The following MAP3K20 variants were observed in gnomAD, a reference collection of about 807,000 sequenced individuals.
The protein encoded by MAP3K20 is mitogen-activated protein kinase kinase kinase 20.
A neutral mutation model predicts 85.7 loss-of-function variants in MAP3K20; 40 were observed. The ratio of observed to expected loss-of-function variants is 0.47; its 90% CI spans 0.36 to 0.61. MAP3K20 has a LOEUF of 0.61. MAP3K20 is among the 20% of genes least tolerant of loss of function. MAP3K20 has a pLI of 0.00. For synonymous variants in MAP3K20, 325 were observed against 327.7 expected, an observed-to-expected ratio of 0.99 and a Z score of 0.09; for missense variants, 817 against 961.7, an observed-to-expected ratio of 0.85 and a Z score of 1.99.
intron 2 of MAP3K20, among the ~76,000 whole-genome samples, chr2:173,116,033 A>G (rs1016717322): frequency 2.7e-5 from 4 of 150,286 alleles, no homozygotes; most frequent in Admixed American, 2.0e-4. Context: ...AAAAAATTGT[A>G]GAGAAAGGGT....
intron 8 of MAP3K20, among the ~76,000 whole-genome samples, chr2:173,199,819 C>T (rs1327363740): frequency 1.3e-5 from 2 of 151,612 alleles, no homozygotes; most frequent in Non-Finnish European, 2.9e-5. Context: ...TTGGAGTATC[C>T]GTGAAGGATT....
intron 2 of MAP3K20, among the ~76,000 whole-genome samples, chr2:173,150,395 C>G (rs1387635358): frequency 6.6e-6 from 1 of 152,182 alleles, no homozygotes; most frequent in Non-Finnish European, 1.5e-5. Context: ...TTCCAACGCT[C>G]TATTCTCTAG....
chr2:173,178,864 TC>T (rs1235582170), intron 3 of MAP3K20, among the ~76,000 whole-genome samples: 1 of 152,080 alleles, frequency 6.6e-6, no homozygotes, highest in Non-Finnish European at 1.5e-5. Flanking sequence ...AGACCAATAT[TC>T]TTCATGAATA....
chr2:173,149,541 A>G (rs961586027), intron 2 of MAP3K20, among the ~76,000 whole-genome samples: 1 of 152,140 alleles, frequency 6.6e-6, no homozygotes, highest in African/African-American at 2.4e-5. Flanking sequence ...GATCTAGTCA[A>G]TGCAAGTCTC....
chr2:173,088,265 T>G (rs534733755), intron 1 of MAP3K20, among the ~76,000 whole-genome samples: 5 of 152,314 alleles, frequency 3.3e-5, no homozygotes, highest in African/African-American at 1.2e-4. Flanking sequence ...GAATCCTACA[T>G]GGCACTGCTG....
intron 2 of MAP3K20, among the ~76,000 whole-genome samples, chr2:173,145,068 T>C (rs1377472218): frequency 6.6e-6 from 1 of 152,122 alleles, no homozygotes; most frequent in Non-Finnish European, 1.5e-5. Context: ...TTATACCAAA[T>C]GCAAAAATTA....
Position 173,266,796 on chromosome 2 carries a change from A to AG in MAP3K20, c.*46_*47insG, listed in dbSNP as rs1558920077. Reference sequence around the variant, plus strand: ...TTCTAAGCAGGTTAAAAAAAAAAAAAAAAAGAAATGTAATGGTTTTTGATA... The same window carrying AG: ...TTCTAAGCAGGTTAAAAAAAAAAAAAGAAAAGAAATGTAATGGTTTTTGATA... On this transcript the variant is annotated 3_prime_UTR_variant, in exon 20 of 20. Coordinates refer to ENST00000375213, the MANE Select transcript of MAP3K20 (RefSeq NM_016653.3). 7.3e-6 allele frequency: 10 copies of AG among 1,363,332 alleles called. No homozygotes were observed. The Admixed American group carries it at 2.5e-4, about 34-fold the overall frequency. 84.5% of individuals were successfully genotyped at this position (1,363,332 alleles called of 1,614,324 possible). A position where few individuals can be genotyped will look rare whatever the true frequency, so the allele number is the denominator to read the frequency against.
chr2:173,147,793 G>A (rs544638164), intron 2 of MAP3K20, among the ~76,000 whole-genome samples: 13 of 152,174 alleles, frequency 8.5e-5, no homozygotes, highest in African/African-American at 3.1e-4. Flanking sequence ...CACCATGTTG[G>A]CCAGGATGGT....
At chr2:173,259,777 T>G (rs1429193852) in intron 17 of MAP3K20, among the ~76,000 whole-genome samples, 1 of 152,242 alleles carries the variant, frequency 6.6e-6, no homozygotes, top group Non-Finnish European at 1.5e-5. Flanking sequence ...CATGGCATTA[T>G]TTATCTGTAA....
At chr2:173,256,018 G>A (rs2106351607) in intron 16 of MAP3K20, among the ~76,000 whole-genome samples, 1 of 152,334 alleles carries the variant, frequency 6.6e-6, no homozygotes, top group East Asian at 1.9e-4. Context: ...CAAGAACCAG[G>A]TTTTCATTTT....
intron 9 of MAP3K20, among the ~76,000 whole-genome samples, chr2:173,204,203 T>C (rs577137100): frequency 6.6e-6 from 1 of 152,368 alleles, no homozygotes; most frequent in South Asian, 2.1e-4. Context: ...TGCCAGGCAC[T>C]GTTCCAAACA....
chr2:173,096,901 T>A (rs189142636), intron 2 of MAP3K20, among the ~76,000 whole-genome samples: 118 of 152,322 alleles, frequency 7.7e-4, no homozygotes, highest in African/African-American at 2.7e-3. Flanking sequence ...GAAGCCACTA[T>A]TGTATCTTTT....
At chr2:173,140,554 T>C (rs779836266) in intron 2 of MAP3K20, among the ~76,000 whole-genome samples, 25 of 151,750 alleles carry the variant, frequency 1.6e-4, no homozygotes, top group Non-Finnish European at 2.5e-4. Context: ...TTCTCTATTT[T>C]GGTCAGGTTG....
At chr2:173,125,845 G>A (rs1022271171) in intron 2 of MAP3K20, among the ~76,000 whole-genome samples, 3 of 152,070 alleles carry the variant, frequency 2.0e-5, no homozygotes, top group African/African-American at 7.2e-5. Context: ...TGTATTTTTA[G>A]TAGAGATGGG....
intron 14 of MAP3K20, among the ~76,000 whole-genome samples, chr2:173,235,874 G>A (rs1242365971): frequency 6.6e-6 from 1 of 152,172 alleles, no homozygotes; most frequent in Non-Finnish European, 1.5e-5. Context: ...AAAGTGAAGA[G>A]GAAGACAGGA....
intron 2 of MAP3K20, among the ~76,000 whole-genome samples, chr2:173,163,290 C>A (rs1689718162): frequency 6.6e-6 from 1 of 152,170 alleles, no homozygotes; most frequent in Non-Finnish European, 1.5e-5. Context: ...CCTCCACCTT[C>A]AAGTAGATCC....
chr2:173,256,481 ATAGATAGATAGATAGATAG>A (rs1685162367), intron 16 of MAP3K20, among the ~76,000 whole-genome samples: 1 of 2,776 alleles, frequency 3.6e-4, no homozygotes, highest in Non-Finnish European at 7.8e-3. Context: ...ATTTAAAAAA[ATAGATAGATAGATAGATAG>A]ATAGATAGAT....
chr2:173,238,330 G>GA, intron 14 of MAP3K20, 43 bp from the exon 15 acceptor site: 1 of 1,521,496 alleles, frequency 6.6e-7, no homozygotes. Flanking sequence ...TCTTCTCTTG[G>GA]TATTACTGGA....
intron 2 of MAP3K20, among the ~76,000 whole-genome samples, chr2:173,156,668 A>G (rs1018700844): frequency 2.0e-5 from 3 of 152,180 alleles, no homozygotes; most frequent in Admixed American, 1.3e-4. Flanking sequence ...CTGATCTGAC[A>G]GGAGGCGGAG....
Sources: gnomAD v4.1 joint callset for allele counts (sites outside exome capture counted in the v4.1 genomes callset) on GRCh38, gnomAD v4.1.1 for gene constraint, MANE v1.5 for transcripts, NCBI Gene and HGNC (gene_info 2026-07-23, HGNC 2026-07-21) for gene names.